SF3A1: variants seen among roughly 807,000 people sequenced by gnomAD.
The protein encoded by SF3A1 is SAP 114.
SF3A1 carries 13 observed loss-of-function variants against 89.9 expected under a neutral mutation model. That is an observed-to-expected ratio of 0.14 (90% CI 0.09 to 0.23). SF3A1 has a LOEUF of 0.23. Ranked by LOEUF, SF3A1 falls within the 10% of genes least tolerant of loss-of-function variation. The probability of loss-of-function intolerance (pLI) is 1.00; values close to 1 mark genes in which losing one functional copy is unlikely to be tolerated. For synonymous variants in SF3A1, 405 were observed against 374.4 expected, an observed-to-expected ratio of 1.08 and a Z score of -0.94; for missense variants, 604 against 1,022.1, an observed-to-expected ratio of 0.59 and a Z score of 5.58.
chr22:30,334,451 G>T lies in SF3A1; in HGVS notation c.*143C>A. The T allele has an allele frequency of 1.7e-6, 1 of 591,096 alleles. No individual in the cohort carries two copies. The highest frequency in any genetic ancestry group is 3.0e-6 in the Non-Finnish European group (1 of 336,442). The allele number at this position is 591,096 out of a possible 1,614,324, so 36.6% of individuals were successfully genotyped here. ...AGGGTCAGGGGAATGAACCTCTGCA[G>T]GACAATTTGAATTCCCAAACTGAGT... is the stretch of plus-strand genomic sequence containing the variant. On this transcript the variant is annotated 3_prime_UTR_variant, in exon 16 of 16. Coordinates refer to ENST00000215793, the MANE Select transcript of SF3A1 (RefSeq NM_005877.6).
intron 4 of SF3A1, 152 bp downstream of exon 4, chr22:30,344,781 A>G (rs2145812555): frequency 2.3e-6 from 2 of 870,884 alleles, no homozygotes; most frequent in Non-Finnish European, 1.8e-6. Flanking sequence ...ATAGAAATCA[A>G]GGTTTTACAT....
chr22:30,342,841 C>G lies in SF3A1; in HGVS notation c.690G>C (p.Lys230Asn), dbSNP rs781261490. 1 of 1,613,042 alleles carries G rather than the reference C, an allele frequency of 6.2e-7. No individual in the cohort carries two copies. The highest frequency in any genetic ancestry group is 1.3e-5 in the African/African-American group (1 of 74,950). Residue 230 changes from lysine to asparagine, a missense_variant, in exon 5 of 16, where the codon AAG (lysine) becomes AAC (asparagine). Coordinates refer to ENST00000215793, the MANE Select transcript of SF3A1 (RefSeq NM_005877.6). ...CTTCTCGGGGGTTTTCAGCCTCTTT[C>G]TTGAGCTTTGAAAATAAACCTTTGG... is the stretch of plus-strand genomic sequence containing the variant. The part of the protein sequence containing the change: ...IPPKGLFSKL[K>N]KEAENPREVL...
chr22:30,339,255 TAC>T lies in SF3A1; in HGVS notation c.1376-6_1376-5del, dbSNP rs1569170842. 4.3e-6 allele frequency: 7 copies of T among 1,613,696 alleles called. No individual in the cohort carries two copies. The South Asian group carries it at 7.7e-5, about 18-fold the overall frequency. On this transcript the variant is annotated splice_region_variant and splice_polypyrimidine_tract_variant and intron_variant, in intron 9 of 15. Transcript: ENST00000215793. ...AAGCTGCTCTCAATATCCAGACCTG[TAC>T]AGTCACAAAACAGAGGCAGAGGATA...
chr22:30,342,409 C>A, intron 5 of SF3A1, 59 bp from the exon 6 acceptor site: 1 of 1,530,866 alleles, frequency 6.5e-7, no homozygotes, highest in Non-Finnish European at 8.8e-7. Flanking sequence ...CCTGATGAGG[C>A]TACCACCTCC....
intron 2 of SF3A1, among the ~76,000 whole-genome samples, chr22:30,348,498 AT>A (rs1016189117): frequency 5.3e-5 from 8 of 152,084 alleles, no homozygotes; most frequent in African/African-American, 1.9e-4. Context: ...AATTTTTTAA[AT>A]TTTTTTTAAG....
chr22:30,341,240 G>A (rs894939748), intron 7 of SF3A1, among the ~76,000 whole-genome samples: 3 of 152,210 alleles, frequency 2.0e-5, no homozygotes, highest in East Asian at 1.9e-4. Context: ...AATTATTTCC[G>A]AGTGGGGGAG....
At chr22:30,340,638 T>C in intron 8 of SF3A1, 57 bp downstream of exon 8, 1 of 1,087,216 alleles carries the variant, frequency 9.2e-7, no homozygotes, top group Non-Finnish European at 1.4e-6. Context: ...GAGGAACACA[T>C]GAGGGCACAC....
intron 5 of SF3A1, 34 bp from the exon 6 acceptor site, chr22:30,342,384 G>A (rs769638369): frequency 1.3e-6 from 2 of 1,566,190 alleles, no homozygotes; most frequent in Non-Finnish European, 1.7e-6. Flanking sequence ...GTGCTACGCT[G>A]AAGCAGGGTC....
chr22:30,334,699 G>A lies in SF3A1; in HGVS notation c.2281-4C>T, dbSNP rs1931014155. ...TGGAATCTTTGATGAAGATACCCTG[G>A]AAAACAGACAGCGTGCCTTAGCATG... On this transcript the variant is annotated splice_region_variant and splice_polypyrimidine_tract_variant and intron_variant, in intron 15 of 15. Coordinates refer to ENST00000215793, the MANE Select transcript of SF3A1 (RefSeq NM_005877.6). 1.9e-6 allele frequency: 3 copies of A among 1,595,734 alleles called. No homozygotes were observed. Among genetic ancestry groups the A allele is most frequent in the South Asian group, 2.3e-5 (2 of 88,490 alleles).
chr22:30,345,676 C>T (rs779503550), intron 3 of SF3A1, among the ~76,000 whole-genome samples: 4 of 152,308 alleles, frequency 2.6e-5, no homozygotes, highest in South Asian at 2.1e-4. Flanking sequence ...CTCATTGCAA[C>T]GCAAGGTCTT....
chr22:30,337,914 C>A lies in SF3A1; in HGVS notation c.1744-17G>T. On this transcript the variant is annotated splice_polypyrimidine_tract_variant and intron_variant, in intron 11 of 15. Coordinates refer to ENST00000215793, the MANE Select transcript of SF3A1 (RefSeq NM_005877.6). ...AGGTGGCATCTGTGCAGGAAAGAGACCCACAGATTACAGGAAGCCAAAGTT... is the reference window on the plus strand; with the variant it reads ...AGGTGGCATCTGTGCAGGAAAGAGAACCACAGATTACAGGAAGCCAAAGTT... 6.3e-7 allele frequency: 1 copy of A among 1,579,056 alleles called. No homozygotes were observed. Among genetic ancestry groups the A allele is most frequent in the East Asian group, 2.3e-5 (1 of 44,130 alleles).
At position 30,332,235 on chromosome 22, in the gene SF3A1, A is replaced by C. The variant is rs1930940410; in HGVS notation, c.*2359T>G. 1 of 152,232 alleles carries C rather than the reference A, an allele frequency of 6.6e-6. No homozygotes were observed. Among genetic ancestry groups the C allele is most frequent in the Non-Finnish European group, 1.5e-5 (1 of 68,056 alleles). 9.4% of individuals were successfully genotyped at this position (152,232 alleles called of 1,614,324 possible). A position where few individuals can be genotyped will look rare whatever the true frequency, so the allele number is the denominator to read the frequency against. On this transcript the variant is annotated 3_prime_UTR_variant, in exon 16 of 16. Coordinates refer to ENST00000215793, the MANE Select transcript of SF3A1 (RefSeq NM_005877.6). ...TTAAAGTAAAATGGTTCTGATCATTACTGGCCTCCTCTAAGAGTACATGAC... is the reference window on the plus strand; with the variant it reads ...TTAAAGTAAAATGGTTCTGATCATTCCTGGCCTCCTCTAAGAGTACATGAC...
intron 2 of SF3A1, among the ~76,000 whole-genome samples, chr22:30,348,495 T>A (rs180687669): frequency 1.1e-4 from 17 of 152,286 alleles, no homozygotes; most frequent in South Asian, 8.3e-4. Flanking sequence ...AAAAATTTTT[T>A]AAATTTTTTT....
intron 2 of SF3A1, 26 bp from the exon 3 acceptor site, chr22:30,346,545 T>A: frequency 1.2e-6 from 2 of 1,612,192 alleles, no homozygotes; most frequent in Non-Finnish European, 8.5e-7. Flanking sequence ...ACAACAAGAA[T>A]AAACACCACT....
Position 30,338,609 on chromosome 22 carries a change from T to C in SF3A1, c.1743+180A>G, listed in dbSNP as rs889379994. Among the ~76,000 whole-genome samples, 3 of 151,810 alleles carry C rather than the reference T, an allele frequency of 2.0e-5. No individual in the cohort carries two copies. In the East Asian group the frequency reaches 5.8e-4, roughly 29 times the overall value. ...CTTACCTCCCTCCCTGTTCCAACCC[T>C]CCTCCACAAACAGATCAAGAGAGAG... is the stretch of plus-strand genomic sequence containing the variant. On this transcript the variant is annotated intron_variant, in intron 11 of 15. Transcript: ENST00000215793.
At chr22:30,340,898 G>C in intron 7 of SF3A1, 86 bp from the exon 8 acceptor site, 3 of 820,624 alleles carry the variant, frequency 3.7e-6, no homozygotes, top group South Asian at 1.5e-5. Context: ...GGGTGGCAAG[G>C]AGCCTTGGCC....
chr22:30,356,869 T>A lies in SF3A1; in HGVS notation c.-77A>T, dbSNP rs376355542. On this transcript the variant is annotated 5_prime_UTR_variant, in exon 1 of 16. Transcript: ENST00000215793. ...GCCTCAAGACAGCCTCCCCGCTCGGTCAGTACGACGAGCTCGCAAGATGGC... is the reference window on the plus strand; with the variant it reads ...GCCTCAAGACAGCCTCCCCGCTCGGACAGTACGACGAGCTCGCAAGATGGC... 5.0e-6 allele frequency: 6 copies of A among 1,199,910 alleles called. No homozygotes were observed. Among genetic ancestry groups the A allele is most frequent in the African/African-American group, 4.7e-5 (3 of 63,222 alleles). The allele number at this position is 1,199,910 out of a possible 1,614,324, so 74.3% of individuals were successfully genotyped here.
chr22:30,346,256 T>C, intron 3 of SF3A1, 56 bp downstream of exon 3: 1 of 1,181,786 alleles, frequency 8.5e-7, no homozygotes, highest in Non-Finnish European at 1.3e-6. Context: ...ACTCCCTCCC[T>C]ATCCCTGTTT....
intron 15 of SF3A1, 69 bp from the exon 16 acceptor site, chr22:30,334,764 C>T: frequency 1.8e-6 from 2 of 1,097,348 alleles, no homozygotes; most frequent in Non-Finnish European, 2.7e-6. Context: ...AACCTTACAA[C>T]TGTGCACTTG....
Sources: gnomAD v4.1 joint callset for allele counts (sites outside exome capture counted in the v4.1 genomes callset) on GRCh38, gnomAD v4.1.1 for gene constraint, MANE v1.5 for transcripts, NCBI Gene and HGNC (gene_info 2026-07-23, HGNC 2026-07-21) for gene names.